IGF1R: variants seen among roughly 807,000 people sequenced by gnomAD.
IGF1R encodes the protein insulin-like growth factor 1 receptor.
IGF1R carries 44 observed loss-of-function variants against 144.6 expected under a neutral mutation model. The ratio of observed to expected loss-of-function variants is 0.30; its 90% CI spans 0.24 to 0.39. The LOEUF is 0.39. Ranked by LOEUF, IGF1R falls within the 10% of genes least tolerant of loss-of-function variation. IGF1R has a pLI of 1.00. For synonymous variants in IGF1R, 795 were observed against 722.8 expected, an observed-to-expected ratio of 1.10 and a Z score of -1.60; for missense variants, 1,355 against 1,833.7, an observed-to-expected ratio of 0.74 and a Z score of 4.77.
Position 98,723,885 on chromosome 15 carries a change from A to G in IGF1R, c.640+15778A>G, listed in dbSNP as rs552438241. ...TTATTAAGTGGGGCAGTAGATTAGG[A>G]CTGAATGGATTTGATTCTCTCATCC... On this transcript the variant is annotated intron_variant, in intron 2 of 20. Transcript: ENST00000650285. Among the ~76,000 whole-genome samples the G allele has an allele frequency of 6.6e-5, 10 of 152,298 alleles. No individual in the cohort carries two copies. The South Asian group carries it at 1.9e-3, about 28-fold the overall frequency.
Position 98,819,690 on chromosome 15 carries a change from A to T in IGF1R, c.641-71635A>T, listed in dbSNP as rs546701263. On this transcript the variant is annotated intron_variant, in intron 2 of 20. Transcript: ENST00000650285. ...GTTTATGTGGGTTGTATCCATTGAT[A>T]CTTGCTGTATGAAGAATTAAAATTA... 2.0e-5 allele frequency among the ~76,000 whole-genome samples: 3 copies of T among 152,304 alleles called. No individual in the cohort carries two copies. The South Asian group carries it at 6.2e-4, about 32-fold the overall frequency.
chr15:98,897,970 G>A (rs1383877422), intron 4 of IGF1R, among the ~76,000 whole-genome samples: 1 of 151,126 alleles, frequency 6.6e-6, no homozygotes, highest in Admixed American at 6.6e-5. Flanking sequence ...TGTATTTTGA[G>A]AATGTGTTTT....
At chr15:98,650,305 C>T (rs574482389) in intron 1 of IGF1R, among the ~76,000 whole-genome samples, 21 of 152,344 alleles carry the variant, frequency 1.4e-4, no homozygotes, top group African/African-American at 3.8e-4. Flanking sequence ...CCTCGGGTTC[C>T]TGGCCTTGCC....
At chr15:98,724,417 G>A (rs546779487) in intron 2 of IGF1R, among the ~76,000 whole-genome samples, 1 of 152,252 alleles carries the variant, frequency 6.6e-6, no homozygotes, top group African/African-American at 2.4e-5. Context: ...ATGAAGCAGG[G>A]GTGACTAAAG....
chr15:98,799,211 C>T (rs2056311110), intron 2 of IGF1R, among the ~76,000 whole-genome samples: 1 of 152,004 alleles, frequency 6.6e-6, no homozygotes, highest in Non-Finnish European at 1.5e-5. Flanking sequence ...AATTCATGTG[C>T]CTCCCCCTTT....
chr15:98,838,560 G>A (rs1486847135), intron 2 of IGF1R, among the ~76,000 whole-genome samples: 1 of 152,226 alleles, frequency 6.6e-6, no homozygotes, highest in Admixed American at 6.5e-5. Context: ...TGCCCCTGGA[G>A]CACATGACCT....
intron 18 of IGF1R, among the ~76,000 whole-genome samples, chr15:98,941,318 G>A (rs2016357681): frequency 1.3e-5 from 2 of 152,212 alleles, no homozygotes; most frequent in Admixed American, 1.3e-4. Context: ...CGGGCACATG[G>A]GGGGAACTCA....
At position 98,946,459 on chromosome 15, in the gene IGF1R, T is replaced by A. The variant is rs1176754432; in HGVS notation, c.3588-2115T>A. Among the ~76,000 whole-genome samples, 3 of 152,168 alleles carry A rather than the reference T, an allele frequency of 2.0e-5. No individual in the cohort carries two copies. The East Asian group carries it at 5.8e-4, about 29-fold the overall frequency. On this transcript the variant is annotated intron_variant, in intron 19 of 20. Coordinates refer to ENST00000650285, the MANE Select transcript of IGF1R (RefSeq NM_000875.5). ...GTATACAGCTGCATTGAGCAAGATG[T>A]TGTAACCAAAGGAGAGGTGGTGGTG...
Position 98,707,453 on chromosome 15 carries a change from C to A in IGF1R, c.95-109C>A. On this transcript the variant is annotated intron_variant, in intron 1 of 20. Transcript: ENST00000650285. The surrounding 1 kb of genome is among the most constrained non-coding windows in gnomAD (Gnocchi z 6.7). ...TGCAGTGAACAATTGAACCTCATTT[C>A]TTTAATAATAATACAGGATTCCTGA... is the stretch of plus-strand genomic sequence containing the variant. 4 of 1,155,684 alleles carry A rather than the reference C, an allele frequency of 3.5e-6. No individual in the cohort carries two copies. Among genetic ancestry groups the A allele is most frequent in the African/African-American group, 1.5e-5 (1 of 65,422 alleles). 71.6% of individuals were successfully genotyped at this position (1,155,684 alleles called of 1,614,324 possible). A position where few individuals can be genotyped will look rare whatever the true frequency, so the allele number is the denominator to read the frequency against.
intron 1 of IGF1R, among the ~76,000 whole-genome samples, chr15:98,693,202 C>G (rs567465047): frequency 6.6e-5 from 10 of 152,248 alleles, no homozygotes; most frequent in African/African-American, 2.4e-4. Flanking sequence ...CCTGTTTGGT[C>G]TTGGAAGCTG....
chr15:98,883,602 C>T (rs995234429), intron 2 of IGF1R, among the ~76,000 whole-genome samples: 10 of 152,100 alleles, frequency 6.6e-5, no homozygotes, highest in African/African-American at 1.2e-4. Context: ...AGGACAGAAG[C>T]GAGGATTGAT....
intron 17 of IGF1R, among the ~76,000 whole-genome samples, chr15:98,936,169 G>A (rs1430853686): frequency 1.3e-5 from 2 of 152,198 alleles, no homozygotes; most frequent in African/African-American, 4.8e-5. Context: ...CCACGTTTCA[G>A]GATTGATCCA....
intron 2 of IGF1R, among the ~76,000 whole-genome samples, chr15:98,721,460 C>G (rs2054244453): frequency 6.6e-6 from 1 of 152,168 alleles, no homozygotes; most frequent in African/African-American, 2.4e-5. Flanking sequence ...GGGCTTGACC[C>G]CACTTAGTGT....
At chr15:98,899,715 T>C (rs2056431462) in intron 5 of IGF1R, 94 bp downstream of exon 5, 2 of 1,293,104 alleles carry the variant, frequency 1.5e-6, no homozygotes, top group Non-Finnish European at 2.2e-6. Flanking sequence ...CCTCCCTGCC[T>C]TGTTAAAGAG....
chr15:98,798,832 A>G (rs2056302818), intron 2 of IGF1R, among the ~76,000 whole-genome samples: 1 of 152,132 alleles, frequency 6.6e-6, no homozygotes, highest in Non-Finnish European at 1.5e-5. Context: ...GAGATGGCAT[A>G]GGGACAATGT....
chr15:98,864,704 C>T (rs532520603), intron 2 of IGF1R, among the ~76,000 whole-genome samples: 2 of 152,268 alleles, frequency 1.3e-5, no homozygotes, highest in South Asian at 4.1e-4. Context: ...ACTCTTTAGC[C>T]AAAAGAAAGT....
intron 2 of IGF1R, among the ~76,000 whole-genome samples, chr15:98,831,560 A>G (rs578239020): frequency 6.6e-6 from 1 of 152,194 alleles, no homozygotes; most frequent in Non-Finnish European, 1.5e-5. Context: ...TCATGCCAAC[A>G]CTCCTAAAAC....
At chr15:98,838,833 TC>T (rs1453265970) in intron 2 of IGF1R, among the ~76,000 whole-genome samples, 1 of 152,216 alleles carries the variant, frequency 6.6e-6, no homozygotes, top group Non-Finnish European at 1.5e-5. Flanking sequence ...GCCCCAGCTG[TC>T]CTCTTGTGAT....
chr15:98,774,506 A>G (rs1434708618), intron 2 of IGF1R, among the ~76,000 whole-genome samples: 1 of 152,224 alleles, frequency 6.6e-6, no homozygotes, highest in Non-Finnish European at 1.5e-5. Flanking sequence ...ATAGAATATT[A>G]TTCAGTCCTA....
Sources: gnomAD v4.1 joint callset for allele counts (sites outside exome capture counted in the v4.1 genomes callset) on GRCh38, gnomAD v4.1.1 for gene constraint, Gnocchi (gnomAD v3.1) non-coding constraint, MANE v1.5 for transcripts, NCBI Gene and HGNC (gene_info 2026-07-23, HGNC 2026-07-21) for gene names.